The following ROBO1 variants were observed in gnomAD, a reference collection of about 807,000 sequenced individuals.
The protein encoded by ROBO1 is roundabout homolog 1.
A neutral mutation model predicts 195.9 loss-of-function variants in ROBO1; 149 were observed. The ratio of observed to expected loss-of-function variants is 0.76; its 90% CI spans 0.67 to 0.87. ROBO1 has a LOEUF of 0.87. ROBO1 is among the 40% of genes least tolerant of loss of function. ROBO1 has a pLI of 0.00. For missense variants in ROBO1, 1,933 were observed against 2,068.3 expected (o/e 0.93, Z 1.27); for synonymous variants, 816 against 733.2 (o/e 1.11, Z -1.82).
intron 18 of ROBO1, among the ~76,000 whole-genome samples, chr3:78,656,131 T>A (rs1245444554): frequency 6.6e-6 from 1 of 152,142 alleles, no homozygotes. Context: ...GTTTTTTTTT[T>A]AATTCATCTA....
chr3:78,740,420 TA>T (rs1412871345), intron 5 of ROBO1, among the ~76,000 whole-genome samples: 1 of 150,402 alleles, frequency 6.6e-6, no homozygotes, highest in East Asian at 2.0e-4. Flanking sequence ...TTTTTCAGAT[TA>T]AAAAGCAACT....
chr3:78,799,776 T>G (rs2084308171), intron 4 of ROBO1, among the ~76,000 whole-genome samples: 1 of 152,178 alleles, frequency 6.6e-6, no homozygotes, highest in Admixed American at 6.5e-5. Context: ...CACTCAAGAT[T>G]TTCTTGTGCT....
chr3:78,707,407 A>C (rs1208666625), intron 8 of ROBO1, among the ~76,000 whole-genome samples: 1 of 152,204 alleles, frequency 6.6e-6, no homozygotes, highest in South Asian at 2.1e-4. Context: ...CACAGTTGGC[A>C]TTAATACTTA....
At chr3:79,153,001 A>G (rs2080799360) in intron 2 of ROBO1, among the ~76,000 whole-genome samples, 1 of 151,770 alleles carries the variant, frequency 6.6e-6, no homozygotes, top group Non-Finnish European at 1.5e-5. Flanking sequence ...CAAAGGTCAA[A>G]TGATGTAGAA....
chr3:79,624,377 A>G (rs1206556298), intron 1 of ROBO1, among the ~76,000 whole-genome samples: 1 of 152,112 alleles, frequency 6.6e-6, no homozygotes, highest in Non-Finnish European at 1.5e-5. Context: ...TGAGCTAAAC[A>G]CCACAATTAA....
At chr3:79,316,919 C>A (rs968712464) in intron 2 of ROBO1, among the ~76,000 whole-genome samples, 4 of 152,100 alleles carry the variant, frequency 2.6e-5, no homozygotes, top group Non-Finnish European at 4.4e-5. Flanking sequence ...GTCATCACTT[C>A]AGAATATGAA....
rs369557196 is a variant in ROBO1, at chr3:79,767,768, T to C, written c.-67A>G. On this transcript the variant is annotated 5_prime_UTR_variant, in exon 1 of 31. Transcript: ENST00000464233. Reference sequence around the variant, plus strand: ...GAGACTTACCCTTCCATAAGACTGTTTTCAGCAATCTAGAGGCTCCGTAGT... The same window carrying C: ...GAGACTTACCCTTCCATAAGACTGTCTTCAGCAATCTAGAGGCTCCGTAGT... The C allele has an allele frequency of 2.0e-5, 3 of 152,302 alleles. No individual in the cohort carries two copies. The highest frequency in any genetic ancestry group is 1.5e-5 in the Non-Finnish European group (1 of 68,046). The allele number at this position is 152,302 out of a possible 1,614,324, so 9.4% of individuals were successfully genotyped here. A position where few individuals can be genotyped will look rare whatever the true frequency, so the allele number is the denominator to read the frequency against.
At chr3:79,078,629 C>T (rs186674206) in intron 3 of ROBO1, among the ~76,000 whole-genome samples, 7 of 151,734 alleles carry the variant, frequency 4.6e-5, no homozygotes, top group Admixed American at 3.9e-4. Context: ...ATGGATCACT[C>T]GAAAAGTAGG....
chr3:78,679,164 T>C (rs2080821854), intron 10 of ROBO1, among the ~76,000 whole-genome samples: 1 of 152,016 alleles, frequency 6.6e-6, no homozygotes, highest in Non-Finnish European at 1.5e-5. Context: ...TAGGTATTGA[T>C]GGGACGTATC....
intron 1 of ROBO1, among the ~76,000 whole-genome samples, chr3:79,678,550 G>A (rs1277230436): frequency 6.6e-6 from 1 of 152,020 alleles, no homozygotes; most frequent in Non-Finnish European, 1.5e-5. Context: ...AACATTATCA[G>A]AGAGTTAAAA....
intron 25 of ROBO1, 79 bp downstream of exon 25, chr3:78,631,082 C>T: frequency 7.0e-7 from 1 of 1,419,580 alleles, no homozygotes; most frequent in Non-Finnish European, 9.5e-7. Flanking sequence ...TTCTCTTGAC[C>T]ACCTAGTATA....
chr3:79,713,442 G>T (rs980303118), intron 1 of ROBO1, among the ~76,000 whole-genome samples: 2 of 152,082 alleles, frequency 1.3e-5, no homozygotes, highest in African/African-American at 4.8e-5. Flanking sequence ...AGGTAAACAT[G>T]AACAAAGGTT....
chr3:79,691,165 G>C (rs570915454), intron 1 of ROBO1, among the ~76,000 whole-genome samples: 1 of 151,878 alleles, frequency 6.6e-6, no homozygotes, highest in East Asian at 1.9e-4. Flanking sequence ...GCATTAATGA[G>C]ATGGTTTCTT....
intron 3 of ROBO1, among the ~76,000 whole-genome samples, chr3:79,013,941 A>G (rs1340251442): frequency 1.3e-5 from 2 of 152,176 alleles, no homozygotes; most frequent in African/African-American, 2.4e-5. Flanking sequence ...TTTAAGCAAA[A>G]GCGTTACCAT....
At chr3:79,544,901 T>C (rs999995468) in intron 2 of ROBO1, among the ~76,000 whole-genome samples, 21 of 152,078 alleles carry the variant, frequency 1.4e-4, no homozygotes, top group African/African-American at 5.1e-4. Context: ...CTAAAAATGA[T>C]AAAATATCCA....
chr3:79,696,686 C>T (rs1947459546), intron 1 of ROBO1, among the ~76,000 whole-genome samples: 2 of 151,272 alleles, frequency 1.3e-5, no homozygotes, highest in Non-Finnish European at 3.0e-5. Flanking sequence ...AAGAAAATGG[C>T]ACCTGGATAA....
chr3:78,814,140 C>T (rs535968889), intron 4 of ROBO1, among the ~76,000 whole-genome samples: 2 of 152,072 alleles, frequency 1.3e-5, no homozygotes, highest in East Asian at 3.9e-4. Flanking sequence ...TCTTCAACAG[C>T]TTGAACAAAA....
At chr3:78,939,138 C>T (rs370414097) in intron 3 of ROBO1, among the ~76,000 whole-genome samples, 134 of 152,260 alleles carry the variant, frequency 8.8e-4, no homozygotes, top group African/African-American at 3.1e-3. Context: ...AAACTTCTCT[C>T]GCTTACACAT....
intron 4 of ROBO1, among the ~76,000 whole-genome samples, chr3:78,823,436 G>A (rs1576236874): frequency 6.6e-6 from 1 of 152,262 alleles, no homozygotes; most frequent in East Asian, 1.9e-4. Context: ...GGGAAATAAG[G>A]AAGACAGGGA....
Sources: gnomAD v4.1 joint callset for allele counts (sites outside exome capture counted in the v4.1 genomes callset) on GRCh38, gnomAD v4.1.1 for gene constraint, MANE v1.5 for transcripts, NCBI Gene and HGNC (gene_info 2026-07-23, HGNC 2026-07-21) for gene names.